MAST3: variants seen among roughly 807,000 people sequenced by gnomAD.
MAST3 encodes the protein microtubule-associated serine/threonine-protein kinase 3.
In MAST3, 43 loss-of-function variants were observed where a neutral mutation model predicts 127.0. The observed-to-expected ratio is 0.34, with a 90% CI of 0.27 to 0.44. MAST3 has a LOEUF of 0.44. MAST3 is among the 20% of genes least tolerant of loss of function. The pLI is 1.00. For missense variants in MAST3, 1,390 were observed against 1,919.1 expected (o/e 0.72, Z 5.15); for synonymous variants, 785 against 809.2 (o/e 0.97, Z 0.51).
rs1332799981 is a variant in MAST3, at chr19:18,137,398, G to T, written c.2095+37G>T. The T allele has an allele frequency of 1.9e-6, 3 of 1,598,622 alleles. No individual in the cohort carries two copies. In the East Asian group the frequency reaches 6.7e-5, roughly 36 times the overall value. On this transcript the variant is annotated intron_variant, in intron 19 of 27. Transcript: ENST00000687212. ...TCCCCCTGGAGGGGGGGCGGGGGGT[G>T]CTCTGCCATCCCTCAGTCCCTGGGG... is the stretch of plus-strand genomic sequence containing the variant.
chr19:18,132,066 A>C lies in MAST3; in HGVS notation c.1571+19A>C, dbSNP rs775010867. 3.7e-6 allele frequency: 6 copies of C among 1,613,580 alleles called. No individual in the cohort carries two copies. Among genetic ancestry groups the C allele is most frequent in the Non-Finnish European group, 5.1e-6 (6 of 1,179,640 alleles). ...CAGACAAGTGAGCTGAGCTAGCATGAGCGGGGCCTCGCGGAGGGCGGGGCC... is the reference window on the plus strand; with the variant it reads ...CAGACAAGTGAGCTGAGCTAGCATGCGCGGGGCCTCGCGGAGGGCGGGGCC... On this transcript the variant is annotated intron_variant, in intron 15 of 27. Transcript: ENST00000687212.
intron 1 of MAST3, among the ~76,000 whole-genome samples, chr19:18,100,128 C>CTCTCTCTCTTTTTTTTTTTTTT (rs776661078): frequency 2.5e-5 from 3 of 121,718 alleles, no homozygotes; most frequent in Admixed American, 9.5e-5. Context: ...CTCTCTCTCT[C>CTCTCTCTCTTTTTTTTTTTTTT]TTTTTTTTTT....
In MAST3 at chr19:18,145,737, C is replaced by T; in HGVS notation, c.3040-6C>T. On this transcript the variant is annotated splice_polypyrimidine_tract_variant and splice_region_variant and intron_variant, in intron 24 of 27. Transcript: ENST00000687212. This position sits in a 1 kb window ranked among gnomAD's most constrained non-coding sequence, Gnocchi z 5.9. ...CATTGACCCCACCGTTCTCGTCTGC[C>T]CCCAGAGTGTGGAGGACGGAAGCCC... 1 of 1,585,680 alleles carries T rather than the reference C, an allele frequency of 6.3e-7. No homozygotes were observed. The highest frequency in any genetic ancestry group is 8.5e-7 in the Non-Finnish European group (1 of 1,169,722).
chr19:18,137,265 C>T lies in MAST3; in HGVS notation c.1999C>T (p.Pro667Ser), dbSNP rs776835936. The T allele has an allele frequency of 1.2e-6, 2 of 1,613,844 alleles. No homozygotes were observed. Among genetic ancestry groups the T allele is most frequent in the Non-Finnish European group, 1.7e-6 (2 of 1,179,802 alleles). ...TGGTHEVKQH[P>S]FFLALDWAGL... ...TGGCACCCACGAAGTGAAGCAGCAC[C>T]CCTTTTTCCTGGCCCTGGACTGGGC... is the stretch of plus-strand genomic sequence containing the variant. The change falls in exon 19 of 28, where the codon CCC (proline) becomes TCC (serine). Residue 667 changes from proline to serine, a missense_variant. This residue lies in a region of MAST3 where 191 missense variants were observed against 409.0 expected (regional missense o/e 0.47). Transcript: ENST00000687212.
At chr19:18,131,549 AT>A (rs925753274) in intron 14 of MAST3, among the ~76,000 whole-genome samples, 1 of 137,280 alleles carries the variant, frequency 7.3e-6, no homozygotes, top group Non-Finnish European at 1.6e-5. Context: ...GAATACAAAA[AT>A]TAGCTGGGTG....
Position 18,149,611 on chromosome 19 carries a change from T to C in MAST3, c.3929T>C (p.Val1310Ala). ...AAGAAGCAGGAGGCCGTGCAGGAGGTTAGCTTCGATGAGCCGCAGGAGGAG... is the reference window on the plus strand; with the variant it reads ...AAGAAGCAGGAGGCCGTGCAGGAGGCTAGCTTCGATGAGCCGCAGGAGGAG... ...SFKKQEAVQE[V>A]SFDEPQEEAT... The change falls in exon 28 of 28, where the codon GTT (valine) becomes GCT (alanine). Residue 1310 changes from valine (V) to alanine (A), a missense_variant. Physicochemically the swap from Val to Ala is moderately conservative, Grantham distance 64. This residue lies in a region of MAST3 where 816 missense variants were observed against 934.1 expected (regional missense o/e 0.87). Transcript: ENST00000687212. The surrounding 1 kb of genome is among the most constrained non-coding windows in gnomAD (Gnocchi z 5.9). 3 of 1,612,754 alleles carry C rather than the reference T, an allele frequency of 1.9e-6. No individual in the cohort carries two copies. Among genetic ancestry groups the C allele is most frequent in the Non-Finnish European group, 2.5e-6 (3 of 1,179,712 alleles).
At chr19:18,134,782 G>T (rs753369158) in intron 16 of MAST3, 35 bp from the exon 17 acceptor site, 10 of 1,613,740 alleles carry the variant, frequency 6.2e-6, no homozygotes, top group Non-Finnish European at 7.6e-6. Context: ...TTGGGCTGGG[G>T]GCTGGCCTCA....
chr19:18,110,328 C>T lies in MAST3; in HGVS notation c.72-324C>T. 10 of 985,564 alleles carry T rather than the reference C, an allele frequency of 1.0e-5. No homozygotes were observed. The highest frequency in any genetic ancestry group is 1.2e-5 in the Non-Finnish European group (10 of 830,020). 61.1% of individuals were successfully genotyped at this position (985,564 alleles called of 1,614,324 possible). On this transcript the variant is annotated intron_variant, in intron 2 of 27. Coordinates refer to ENST00000687212, the MANE Select transcript of MAST3 (RefSeq NM_001393504.1). This position sits in a 1 kb window ranked among gnomAD's most constrained non-coding sequence, Gnocchi z 4.3. Reference sequence around the variant, plus strand: ...GCGGCCTCTGCCTCGGCATGAAGTCCCGCAGGGACAAGCTGCACATCCCGG... The same window carrying T: ...GCGGCCTCTGCCTCGGCATGAAGTCTCGCAGGGACAAGCTGCACATCCCGG...
Position 18,145,673 on chromosome 19 carries a change from C to T in MAST3, c.3040-70C>T. 1 of 1,475,866 alleles carries T rather than the reference C, an allele frequency of 6.8e-7. No individual in the cohort carries two copies. The highest frequency in any genetic ancestry group is 9.0e-7 in the Non-Finnish European group (1 of 1,115,122). 91.4% of individuals were successfully genotyped at this position (1,475,866 alleles called of 1,614,324 possible). ...CAGCTTGCTGGGGTCCCACAGCAGA[C>T]CCAGCCTGGGCTGGGGTCCCCAGAT... On this transcript the variant is annotated intron_variant, in intron 24 of 27. Coordinates refer to ENST00000687212, the MANE Select transcript of MAST3 (RefSeq NM_001393504.1). This position sits in a 1 kb window ranked among gnomAD's most constrained non-coding sequence, Gnocchi z 5.9.
chr19:18,145,790 G>C lies in MAST3; in HGVS notation c.3087G>C (p.Gly1029=). 6.3e-7 allele frequency: 1 copy of C among 1,592,346 alleles called. No individual in the cohort carries two copies. The highest frequency in any genetic ancestry group is 1.1e-5 in the South Asian group (1 of 88,568). Reference sequence around the variant, plus strand: ...CCCAGGAGGCGGGCCTGCGGGCTGGGGACCTCATCACCCACATCAACGGGG... The same window carrying C: ...CCCAGGAGGCGGGCCTGCGGGCTGGCGACCTCATCACCCACATCAACGGGG... ...SPAQEAGLRA[G]DLITHINGES... Residue 1029 remains glycine, a synonymous_variant, in exon 25 of 28, where the codon GGG becomes GGC. Coordinates refer to ENST00000687212, the MANE Select transcript of MAST3 (RefSeq NM_001393504.1). The surrounding 1 kb of genome is among the most constrained non-coding windows in gnomAD (Gnocchi z 5.9).
At chr19:18,142,137 C>T (rs1407553773) in intron 21 of MAST3, 122 bp downstream of exon 21, 8 of 1,107,456 alleles carry the variant, frequency 7.2e-6, no homozygotes, top group Non-Finnish European at 9.3e-6. Flanking sequence ...AACATATTGA[C>T]CAGCCTATCA....
intron 13 of MAST3, 28 bp downstream of exon 13, chr19:18,128,979 A>C (rs527754129): frequency 6.3e-7 from 1 of 1,588,370 alleles, no homozygotes; most frequent in East Asian, 2.2e-5. Context: ...GCATAGACCC[A>C]TTTCACAGAT....
intron 11 of MAST3, among the ~76,000 whole-genome samples, chr19:18,126,213 C>A (rs2040598815): frequency 6.8e-6 from 1 of 146,858 alleles, no homozygotes; most frequent in Admixed American, 7.0e-5. Flanking sequence ...CAAAGCCAGA[C>A]CCTGTCTCAA....
intron 15 of MAST3, among the ~76,000 whole-genome samples, chr19:18,134,021 A>G (rs1435748055): frequency 1.3e-5 from 2 of 152,152 alleles, no homozygotes; most frequent in African/African-American, 4.8e-5. Flanking sequence ...ACTTAAAAAT[A>G]CATTCCAGAG....
At chr19:18,123,829 G>A (rs740693) in intron 8 of MAST3, 110 bp from the exon 9 acceptor site, 138,652 of 1,086,352 alleles carry the variant, frequency 0.13, 9,737 homozygotes, top group Admixed American at 0.16. Context: ...CCACCCGATC[G>A]CCCCATTGCC....
At chr19:18,142,443 C>T (rs1259154863) in intron 21 of MAST3, among the ~76,000 whole-genome samples, 5 of 151,214 alleles carry the variant, frequency 3.3e-5, no homozygotes, top group Admixed American at 2.6e-4. Context: ...GCTCCGCCTC[C>T]CGGGTTCACG....
At chr19:18,118,414 T>C (rs942213389) in intron 3 of MAST3, among the ~76,000 whole-genome samples, 18 of 151,952 alleles carry the variant, frequency 1.2e-4, no homozygotes, top group Admixed American at 1.2e-3. Context: ...TCCCCTGGGG[T>C]CCCTGGCACC....
At chr19:18,107,900 A>G (rs1198275000) in intron 2 of MAST3, among the ~76,000 whole-genome samples, 3 of 152,172 alleles carry the variant, frequency 2.0e-5, no homozygotes, top group Non-Finnish European at 4.4e-5. Context: ...TCTGGAATCC[A>G]GAGTCCAGAT....
intron 18 of MAST3, 60 bp from the exon 19 acceptor site, chr19:18,137,179 G>T: frequency 6.3e-7 from 1 of 1,587,908 alleles, no homozygotes; most frequent in Non-Finnish European, 8.6e-7. Flanking sequence ...GTGGGGGTAG[G>T]GGGGCATCCT....
Sources: gnomAD v4.1 joint callset for allele counts (sites outside exome capture counted in the v4.1 genomes callset) on GRCh38, gnomAD v4.1.1 for gene constraint, gnomAD v4.1.1 regional missense constraint, Gnocchi (gnomAD v3.1) non-coding constraint, MANE v1.5 for transcripts, NCBI Gene and HGNC (gene_info 2026-07-23, HGNC 2026-07-21) for gene names.